The following CD34 variants were observed in gnomAD, a reference collection of about 807,000 sequenced individuals.
CD34 encodes the protein hematopoietic progenitor cell antigen CD34.
CD34 carries 34 observed loss-of-function variants against 40.1 expected under a neutral mutation model. The observed-to-expected ratio is 0.85, with a 90% confidence interval of 0.65 to 1.13. The LOEUF is 1.13. Ranked by LOEUF, CD34 falls within the 50% of genes most tolerant of loss-of-function variation. CD34 has a pLI of 0.00. For synonymous variants in CD34, 209 were observed against 190.0 expected, an observed-to-expected ratio of 1.10 and a Z score of -0.82; for missense variants, 426 against 466.9, an observed-to-expected ratio of 0.91 and a Z score of 0.81.
In CD34 at chr1:207,897,480, G is replaced by C; in HGVS notation, c.597+13C>G. On this transcript the variant is annotated intron_variant, in intron 4 of 7. Transcript: ENST00000310833. ...GGGGCGGGAGGAAGAGGTTGGGTGG[G>C]GGGTTGACTTACACAGCTGGAGGTC... The C allele has an allele frequency of 6.5e-7, 1 of 1,548,408 alleles. No individual in the cohort carries two copies. Among genetic ancestry groups the C allele is most frequent in the Non-Finnish European group, 8.8e-7 (1 of 1,142,250 alleles).
Position 207,897,577 on chromosome 1 carries a change from T to C in CD34, c.517-4A>G, listed in dbSNP as rs1362447735. ...TGCCTGAACATTTGATTTCTGCCTGTATTAAAACAAAAACAATAACAAAAA... is the reference window on the plus strand; with the variant it reads ...TGCCTGAACATTTGATTTCTGCCTGCATTAAAACAAAAACAATAACAAAAA... On this transcript the variant is annotated splice_region_variant and splice_polypyrimidine_tract_variant and intron_variant, in intron 3 of 7. Transcript: ENST00000310833. 6.5e-7 allele frequency: 1 copy of C among 1,548,710 alleles called. No homozygotes were observed. The highest frequency in any genetic ancestry group is 8.7e-7 in the Non-Finnish European group (1 of 1,144,022).
chr1:207,893,999 T>C (rs1662089572), intron 4 of CD34, among the ~76,000 whole-genome samples: 1 of 152,208 alleles, frequency 6.6e-6, no homozygotes, highest in Non-Finnish European at 1.5e-5. Context: ...TGGTGGTTCC[T>C]CAAAAATTCA....
rs1661825756 is a variant in CD34 at position 207,882,377 on chromosome 1, G to C, written c.*5361C>G. On this transcript the variant is annotated 3_prime_UTR_variant, in exon 8 of 8. Transcript: ENST00000310833. ...CCCACCAGTGTGGTATCAAAGGAGGGGTGCTAAACAGAATCTTTCAATAAG... is the reference window on the plus strand; with the variant it reads ...CCCACCAGTGTGGTATCAAAGGAGGCGTGCTAAACAGAATCTTTCAATAAG... 6.6e-6 allele frequency: 1 copy of C among 152,196 alleles called. No homozygotes were observed. The highest frequency in any genetic ancestry group is 3.4e-3 in the Middle Eastern group (1 of 294). 9.4% of individuals were successfully genotyped at this position (152,196 alleles called of 1,614,324 possible).
intron 4 of CD34, among the ~76,000 whole-genome samples, chr1:207,890,683 G>A (rs1662013210): frequency 6.6e-6 from 1 of 152,176 alleles, no homozygotes; most frequent in South Asian, 2.1e-4. Context: ...TGAAGCAGCT[G>A]AGGGAAAACA....
At chr1:207,908,615 T>C (rs1042316356) in intron 1 of CD34, among the ~76,000 whole-genome samples, 1 of 152,142 alleles carries the variant, frequency 6.6e-6, no homozygotes. Context: ...AGAGTGAGGA[T>C]AGGGACAGGC....
chr1:207,899,154 G>A lies in CD34; in HGVS notation c.335C>T (p.Ser112Leu), dbSNP rs373770382. 5.0e-6 allele frequency: 8 copies of A among 1,613,998 alleles called. No individual in the cohort carries two copies. The African/African-American group carries it at 9.3e-5, about 19-fold the overall frequency. The stretch of plus-strand genomic sequence containing the variant: ...CACTGTGCTGATTACAGAGGTCTGT[G>A]ACTGGACAGAAGAGTTTGTGTTTCC... ...VYGNTNSSVQSQTSVISTVFT... is the reference protein window; with the variant it reads ...VYGNTNSSVQLQTSVISTVFT... Residue 112 changes from serine (S) to leucine (L), a missense_variant, in exon 3 of 8, where the codon TCA (serine) becomes TTA (leucine). Transcript: ENST00000310833.
At chr1:207,894,301 A>G (rs1189810932) in intron 4 of CD34, among the ~76,000 whole-genome samples, 1 of 152,238 alleles carries the variant, frequency 6.6e-6, no homozygotes, top group Admixed American at 6.5e-5. Flanking sequence ...AACCAGTCAC[A>G]TAACAAGACA....
In CD34 at chr1:207,908,377, A is replaced by G. The variant is rs893319420; in HGVS notation, c.79+2625T>C. Among the ~76,000 whole-genome samples the G allele has an allele frequency of 2.0e-5, 3 of 152,268 alleles. No homozygotes were observed. In the South Asian group the frequency reaches 6.2e-4, roughly 31 times the overall value. On this transcript the variant is annotated intron_variant, in intron 1 of 7. Transcript: ENST00000310833. ...CTACAAGTGCGGAGCACTGGGGACC[A>G]CTGAATTAGTCAGAGGTCCCCAAGC...
rs1661999424 is a variant in CD34, at chr1:207,890,007, T to C, written c.598-386A>G. 3 of 1,401,146 alleles carry C rather than the reference T, an allele frequency of 2.1e-6. No individual in the cohort carries two copies. The African/African-American group carries it at 4.5e-5, about 21-fold the overall frequency. The allele number at this position is 1,401,146 out of a possible 1,614,324, so 86.8% of individuals were successfully genotyped here. On this transcript the variant is annotated intron_variant, in intron 4 of 7. Transcript: ENST00000310833. ...ATATTCTGTTTCAAGATTACAGCAG[T>C]CCCCAATGATGGAAGAAAAGCCAAG...
At chr1:207,897,301 C>T (rs12566127) in intron 4 of CD34, among the ~76,000 whole-genome samples, 192 bp downstream of exon 4, 18,201 of 151,962 alleles carry the variant, frequency 0.12, 1,607 homozygotes, top group African/African-American at 0.25. Flanking sequence ...TTGTTATTGT[C>T]TTTTTTGCCC....
At chr1:207,902,748 CA>C (rs1662298518) in intron 1 of CD34, among the ~76,000 whole-genome samples, 1 of 152,186 alleles carries the variant, frequency 6.6e-6, no homozygotes, top group African/African-American at 2.4e-5. Context: ...CCTAGACAAA[CA>C]CTTTTGAACT....
Position 207,881,202 on chromosome 1 carries a change from C to T in CD34, c.*6536G>A, listed in dbSNP as rs2102290664. On this transcript the variant is annotated 3_prime_UTR_variant, in exon 8 of 8. Transcript: ENST00000310833. ...ATGATCCAAGGTCCTCTGGGGGTTC[C>T]CTAAAACATTTCCAAGTGGTCTCTG... is the stretch of plus-strand genomic sequence containing the variant. 6.6e-6 allele frequency: 1 copy of T among 152,210 alleles called. No individual in the cohort carries two copies. The highest frequency in any genetic ancestry group is 3.4e-3 in the Middle Eastern group (1 of 294). The allele number at this position is 152,210 out of a possible 1,614,324, so 9.4% of individuals were successfully genotyped here.
rs1661837886 is a variant in CD34 at position 207,883,186 on chromosome 1, A to T, written c.*4552T>A. ...TACTCGGCTTCCCTTAACACATTCT[A>T]CTTCTCTGTCATACCAGAAAACACA... On this transcript the variant is annotated 3_prime_UTR_variant, in exon 8 of 8. Coordinates refer to ENST00000310833, the MANE Select transcript of CD34 (RefSeq NM_001025109.2). 6.6e-6 allele frequency: 1 copy of T among 152,064 alleles called. No homozygotes were observed. Among genetic ancestry groups the T allele is most frequent in the South Asian group, 2.1e-4 (1 of 4,818 alleles). 9.4% of individuals were successfully genotyped at this position (152,064 alleles called of 1,614,324 possible). A position where few individuals can be genotyped will look rare whatever the true frequency, so the allele number is the denominator to read the frequency against.
At chr1:207,892,317 C>T (rs564511863) in intron 4 of CD34, among the ~76,000 whole-genome samples, 9 of 152,260 alleles carry the variant, frequency 5.9e-5, no homozygotes, top group African/African-American at 1.2e-4. Flanking sequence ...GTGGCTCATG[C>T]CTGTAATCCC....
chr1:207,889,405 A>G, intron 5 of CD34, 60 bp downstream of exon 5: 1 of 1,558,276 alleles, frequency 6.4e-7, no homozygotes, highest in Non-Finnish European at 8.7e-7. Flanking sequence ...ATCTCCACCC[A>G]GGATTCTCTA....
intron 4 of CD34, among the ~76,000 whole-genome samples, chr1:207,894,699 G>A (rs1662112218): frequency 6.6e-6 from 1 of 152,134 alleles, no homozygotes; most frequent in African/African-American, 2.4e-5. Context: ...ATGACAGTTA[G>A]ACTCAGGAAG....
At chr1:207,904,643 CT>C (rs11323111) in intron 1 of CD34, among the ~76,000 whole-genome samples, 21,607 of 152,054 alleles carry the variant, frequency 0.14, 2,599 homozygotes, top group African/African-American at 0.32. Context: ...TAGTGGATAT[CT>C]TTTGTTTTAG....
At chr1:207,907,418 C>T (rs944979382) in intron 1 of CD34, among the ~76,000 whole-genome samples, 1 of 152,140 alleles carries the variant, frequency 6.6e-6, no homozygotes, top group Non-Finnish European at 1.5e-5. Flanking sequence ...GCAATTCAGC[C>T]TCCTGCCTAC....
chr1:207,908,232 C>A (rs1434608355), intron 1 of CD34, among the ~76,000 whole-genome samples: 1 of 152,182 alleles, frequency 6.6e-6, no homozygotes, highest in Admixed American at 6.5e-5. Context: ...ATGAGGAGGC[C>A]CAGGAGGTGG....
Sources: allele counts gnomAD v4.1 joint callset (sites outside exome capture counted in the v4.1 genomes callset), GRCh38; gene constraint gnomAD v4.1.1; transcripts MANE v1.5; gene names NCBI Gene and HGNC (gene_info 2026-07-23, HGNC 2026-07-21).